The following SPIRE1 variants were observed in gnomAD, a reference collection of about 807,000 sequenced individuals.
SPIRE1 encodes the protein spire type actin nucleation factor 1, also known as protein spire homolog 1.
In SPIRE1, 40 loss-of-function variants were observed where a neutral mutation model predicts 94.1. The ratio of observed to expected loss-of-function variants is 0.43; its 90% CI spans 0.33 to 0.55. SPIRE1 has a LOEUF of 0.55. SPIRE1 is among the 20% of genes least tolerant of loss of function. The pLI is 0.06. For missense variants in SPIRE1, 838 were observed against 975.2 expected, an observed-to-expected ratio of 0.86 and a Z score of 1.87; for synonymous variants, 376 against 371.7, an observed-to-expected ratio of 1.01 and a Z score of -0.13.
intron 2 of SPIRE1, among the ~76,000 whole-genome samples, chr18:12,563,171 C>G (rs945957310): frequency 6.6e-6 from 1 of 151,536 alleles, no homozygotes; most frequent in African/African-American, 2.4e-5. Flanking sequence ...ACAGATACCC[C>G]CAACCCCGAT....
intron 4 of SPIRE1, among the ~76,000 whole-genome samples, chr18:12,513,514 T>C (rs2034103002): frequency 6.6e-6 from 1 of 150,600 alleles, no homozygotes; most frequent in African/African-American, 2.4e-5. Flanking sequence ...TATTTATTTA[T>C]TTATTTATTT....
At chr18:12,603,953 G>A (rs1236934820) in intron 2 of SPIRE1, among the ~76,000 whole-genome samples, 1 of 152,142 alleles carries the variant, frequency 6.6e-6, no homozygotes, top group Non-Finnish European at 1.5e-5. Context: ...TGGGTTTGGG[G>A]AGCTTCCAGA....
Position 12,626,886 on chromosome 18 carries a change from A to ATTTT in SPIRE1, c.372+8172_372+8175dup, listed in dbSNP as rs1194431610. Among the ~76,000 whole-genome samples, 166 of 111,898 alleles carry ATTTT rather than the reference A, an allele frequency of 1.5e-3. 1 individual carries two copies. The highest frequency in any genetic ancestry group is 2.2e-3 in the Non-Finnish European group (120 of 53,786). The allele number at this position is 111,898 out of a possible 152,430, so 73.4% of individuals were successfully genotyped here. A position where few individuals can be genotyped will look rare whatever the true frequency, so the allele number is the denominator to read the frequency against. Reference sequence around the variant, plus strand: ...CTGTAAAATATATATATATATATATATTTTTTTTTTTTTTTTGCCCAGAGG... The same window carrying ATTTT: ...CTGTAAAATATATATATATATATATATTTTTTTTTTTTTTTTTTTTGCCCAGAGG... On this transcript the variant is annotated intron_variant, in intron 2 of 16. Transcript: ENST00000409402.
chr18:12,482,331 G>A (rs1173665432), intron 9 of SPIRE1, among the ~76,000 whole-genome samples: 1 of 152,072 alleles, frequency 6.6e-6, no homozygotes, highest in Non-Finnish European at 1.5e-5. Context: ...TTTTAGTAGA[G>A]TCGAGGTTTC....
intron 2 of SPIRE1, among the ~76,000 whole-genome samples, chr18:12,625,297 T>C (rs2037590769): frequency 1.3e-5 from 2 of 152,244 alleles, no homozygotes; most frequent in South Asian, 4.2e-4. Flanking sequence ...GGAATTCAGG[T>C]GTGTTTGGGG....
chr18:12,503,176 T>C (rs1248674427), intron 6 of SPIRE1, among the ~76,000 whole-genome samples: 1 of 152,118 alleles, frequency 6.6e-6, no homozygotes, highest in Non-Finnish European at 1.5e-5. Flanking sequence ...ATCTTTCATC[T>C]TCTTTTAAAC....
Position 12,596,196 on chromosome 18 carries a change from T to A in SPIRE1, c.372+38866A>T, listed in dbSNP as rs190616485. ...CTAGAAAAGAGGAAGCCATATATAT[T>A]ACCCAACTTTTAGTGAAAGAAAACA... On this transcript the variant is annotated intron_variant, in intron 2 of 16. Coordinates refer to ENST00000409402, the MANE Select transcript of SPIRE1 (RefSeq NM_001128626.2). Among the ~76,000 whole-genome samples, 535 of 152,312 alleles carry A rather than the reference T, an allele frequency of 3.5e-3. 3 individuals carry two copies. Among genetic ancestry groups the A allele is most frequent in the African/African-American group, 0.012 (512 of 41,582 alleles).
intron 4 of SPIRE1, among the ~76,000 whole-genome samples, chr18:12,530,060 T>G (rs1701193667): frequency 6.6e-6 from 1 of 152,158 alleles, no homozygotes; most frequent in Non-Finnish European, 1.5e-5. Flanking sequence ...AAAAGTTAAA[T>G]CTGTGTTTTT....
chr18:12,476,584 T>C lies in SPIRE1; in HGVS notation c.1404+3115A>G, dbSNP rs1407005348. ...AAAAAAATATATATATATATATATA[T>C]ATATACACACACACACACACACACA... is the stretch of plus-strand genomic sequence containing the variant. On this transcript the variant is annotated intron_variant, in intron 10 of 16. Coordinates refer to ENST00000409402, the MANE Select transcript of SPIRE1 (RefSeq NM_001128626.2). Among the ~76,000 whole-genome samples, 260 of 117,652 alleles carry C rather than the reference T, an allele frequency of 2.2e-3. 2 individuals carry two copies. Among genetic ancestry groups the C allele is most frequent in the South Asian group, 0.011 (39 of 3,468 alleles). The allele number at this position is 117,652 out of a possible 152,430, so 77.2% of individuals were successfully genotyped here. A position where few individuals can be genotyped will look rare whatever the true frequency, so the allele number is the denominator to read the frequency against.
In SPIRE1 at chr18:12,449,286, T is replaced by C. The variant is rs749253008; in HGVS notation, c.*352A>G. ...GACATCGGCATCTCTGTTAGACTGATTCTCGTAGGAGAAGCTTTTTTTTTT... is the reference window on the plus strand; with the variant it reads ...GACATCGGCATCTCTGTTAGACTGACTCTCGTAGGAGAAGCTTTTTTTTTT... On this transcript the variant is annotated 3_prime_UTR_variant, in exon 17 of 17. Coordinates refer to ENST00000409402, the MANE Select transcript of SPIRE1 (RefSeq NM_001128626.2). 3.2e-5 allele frequency: 9 copies of C among 277,408 alleles called. No individual in the cohort carries two copies. The highest frequency in any genetic ancestry group is 6.2e-5 in the Non-Finnish European group (9 of 144,570). The allele number at this position is 277,408 out of a possible 1,614,324, so 17.2% of individuals were successfully genotyped here. A position where few individuals can be genotyped will look rare whatever the true frequency, so the allele number is the denominator to read the frequency against.
At chr18:12,572,790 T>C (rs1207077408) in intron 2 of SPIRE1, among the ~76,000 whole-genome samples, 2 of 152,162 alleles carry the variant, frequency 1.3e-5, no homozygotes, top group African/African-American at 2.4e-5. Flanking sequence ...GAAGCCAGGA[T>C]TGTCTTTTCA....
chr18:12,654,374 C>T (rs1390182203), intron 1 of SPIRE1, among the ~76,000 whole-genome samples: 3 of 147,442 alleles, frequency 2.0e-5, no homozygotes, highest in Non-Finnish European at 3.0e-5. Flanking sequence ...TGGCTGGGCA[C>T]GGTGGCTCAC....
intron 3 of SPIRE1, among the ~76,000 whole-genome samples, chr18:12,540,429 G>A (rs1374711455): frequency 6.6e-6 from 1 of 152,036 alleles, no homozygotes; most frequent in East Asian, 1.9e-4. Context: ...AGACTGGAGC[G>A]AAGTGTTGCG....
At chr18:12,570,593 T>C (rs2035937491) in intron 2 of SPIRE1, among the ~76,000 whole-genome samples, 1 of 152,222 alleles carries the variant, frequency 6.6e-6, no homozygotes, top group Non-Finnish European at 1.5e-5. Context: ...ATTACGATGA[T>C]CCTGGGAAGC....
chr18:12,553,441 A>G (rs943181627), intron 2 of SPIRE1, among the ~76,000 whole-genome samples: 10 of 152,210 alleles, frequency 6.6e-5, no homozygotes, highest in Non-Finnish European at 1.5e-4. Flanking sequence ...GTAGCCTGGC[A>G]GTAATCCCCA....
intron 9 of SPIRE1, among the ~76,000 whole-genome samples, chr18:12,482,981 C>T (rs866850209): frequency 2.8e-5 from 4 of 141,034 alleles, no homozygotes; most frequent in African/African-American, 8.3e-5. Flanking sequence ...CATTCTGTTG[C>T]GCAGGTTGGG....
rs1378473360 is a variant in SPIRE1, at chr18:12,447,878, A to C, written c.*1760T>G. On this transcript the variant is annotated 3_prime_UTR_variant, in exon 17 of 17. Transcript: ENST00000409402. ...TGTGCCCTTCTGGGTAGTCATTTTA[A>C]AAACTCAAGCCTGGGGTCATCAAAA... 1 of 152,226 alleles carries C rather than the reference A, an allele frequency of 6.6e-6. No individual in the cohort carries two copies. The highest frequency in any genetic ancestry group is 1.5e-5 in the Non-Finnish European group (1 of 68,040). The allele number at this position is 152,226 out of a possible 1,614,324, so 9.4% of individuals were successfully genotyped here.
intron 2 of SPIRE1, among the ~76,000 whole-genome samples, chr18:12,599,443 TTA>T (rs1292310577): frequency 6.6e-6 from 1 of 152,172 alleles, no homozygotes; most frequent in African/African-American, 2.4e-5. Flanking sequence ...AAAAATTTTT[TTA>T]TAGAGATGGC....
chr18:12,636,631 T>G (rs1304679564), intron 1 of SPIRE1, among the ~76,000 whole-genome samples: 2 of 151,984 alleles, frequency 1.3e-5, no homozygotes, highest in African/African-American at 4.8e-5. Flanking sequence ...GGGCCTTAGG[T>G]TCTATGAATT....
Sources: gnomAD v4.1 joint callset for allele counts (sites outside exome capture counted in the v4.1 genomes callset) on GRCh38, gnomAD v4.1.1 for gene constraint, MANE v1.5 for transcripts, NCBI Gene and HGNC (gene_info 2026-07-23, HGNC 2026-07-21) for gene names.